The following SCRG1 variants were observed in gnomAD, a reference collection of about 807,000 sequenced individuals.
SCRG1 encodes scrapie-responsive protein 1.
SCRG1 carries 3 observed loss-of-function variants against 7.7 expected under a neutral mutation model. That is an observed-to-expected ratio of 0.39 (90% CI 0.18 to 1.01). The LOEUF is 1.01. Among genes scored for constraint, SCRG1 ranks in the 50% least tolerant of loss-of-function variants. SCRG1 has a pLI of 0.36. For synonymous variants in SCRG1, 46 were observed against 41.2 expected (o/e 1.12, Z -0.44); for missense variants, 110 against 117.2 (o/e 0.94, Z 0.28).
At chr4:173,493,322 C>T in the SCRG1 span, among the ~76,000 whole-genome samples, 1 of 152,088 alleles carries the variant, frequency 6.6e-6, no homozygotes, top group Non-Finnish European at 1.5e-5. Context: ...CCTGTTCTAC[C>T]ATGGTAAGAC....
the SCRG1 span, among the ~76,000 whole-genome samples, chr4:173,488,097 C>CTAAA: frequency 0.42 from 61,469 of 144,786 alleles, 13,907 homozygotes; most frequent in East Asian, 0.53. Flanking sequence ...GAGACTCTGT[C>CTAAA]TAAATAAATA....
chr4:173,482,654 C>A, the SCRG1 span, among the ~76,000 whole-genome samples: 4 of 151,622 alleles, frequency 2.6e-5, no homozygotes, highest in Admixed American at 2.0e-4. Context: ...CCTGTCTCTA[C>A]AAAAAATTGA....
At chr4:173,418,538 G>A in the SCRG1 span, among the ~76,000 whole-genome samples, 730 of 152,310 alleles carry the variant, frequency 4.8e-3, 3 homozygotes, top group Non-Finnish European at 8.3e-3. Context: ...GTTTGTTGCT[G>A]CACCAAAAGC....
chr4:173,485,591 A>T, the SCRG1 span, among the ~76,000 whole-genome samples: 2 of 151,890 alleles, frequency 1.3e-5, no homozygotes, highest in South Asian at 2.1e-4. Flanking sequence ...TTGTTATACC[A>T]TACTATCTAA....
chr4:173,499,867 C>G, the SCRG1 span, among the ~76,000 whole-genome samples: 1 of 152,214 alleles, frequency 6.6e-6, no homozygotes, highest in Non-Finnish European at 1.5e-5. The surrounding 1 kb of genome is among the most constrained non-coding windows in gnomAD (Gnocchi z 4.1). Flanking sequence ...TTTTGGCAGG[C>G]CAGGCCTTCA....
the SCRG1 span, among the ~76,000 whole-genome samples, chr4:173,430,450 A>G: frequency 2.6e-4 from 39 of 152,244 alleles, 1 homozygote; most frequent in East Asian, 7.2e-3. Flanking sequence ...CAGGAGTCCT[A>G]TAGGTAATGT....
At chr4:173,457,356 G>C in the SCRG1 span, among the ~76,000 whole-genome samples, 1 of 152,112 alleles carries the variant, frequency 6.6e-6, no homozygotes. Context: ...CAGAAGTAAG[G>C]AAAAAGAGGA....
chr4:173,445,815 G>A, the SCRG1 span, among the ~76,000 whole-genome samples: 3 of 151,418 alleles, frequency 2.0e-5, no homozygotes, highest in East Asian at 2.0e-4. Flanking sequence ...ACAGGTGCAC[G>A]CCACCATGCC....
At chr4:173,485,016 A>T in the SCRG1 span, among the ~76,000 whole-genome samples, 11 of 28,794 alleles carry the variant, frequency 3.8e-4, no homozygotes, top group East Asian at 3.5e-3. Context: ...TATAATATAT[A>T]ATATATAATA....
At chr4:173,415,083 T>C in the SCRG1 span, among the ~76,000 whole-genome samples, 3 of 152,248 alleles carry the variant, frequency 2.0e-5, no homozygotes, top group Non-Finnish European at 4.4e-5. Context: ...TAATATTGCA[T>C]GTTAATTTCT....
At chr4:173,391,092 G>A in intron 2 of SCRG1, 81 bp downstream of exon 2, 1 of 1,463,304 alleles carries the variant, frequency 6.8e-7, no homozygotes, top group Non-Finnish European at 9.4e-7. Context: ...ATTAATTTCA[G>A]CAAACCTATT....
the SCRG1 span, chr4:173,419,407 A>G: frequency 8.2e-7 from 1 of 1,214,010 alleles, no homozygotes. Flanking sequence ...GTACAGCAGC[A>G]TGAGCTTTCT....
the SCRG1 span, among the ~76,000 whole-genome samples, chr4:173,493,831 A>G: frequency 6.6e-6 from 1 of 152,194 alleles, no homozygotes; most frequent in South Asian, 2.1e-4. Context: ...GCACATGTGG[A>G]TGGCCACATT....
chr4:173,501,194 G>A, the SCRG1 span, among the ~76,000 whole-genome samples: 1 of 152,228 alleles, frequency 6.6e-6, no homozygotes, highest in Non-Finnish European at 1.5e-5. This position sits in a 1 kb window ranked among gnomAD's most constrained non-coding sequence, Gnocchi z 5.1. Context: ...CGGGGTGCGA[G>A]CCACGCGGCC....
chr4:173,476,280 G>C, the SCRG1 span, among the ~76,000 whole-genome samples: 3 of 148,936 alleles, frequency 2.0e-5, no homozygotes, highest in Non-Finnish European at 4.5e-5. Context: ...TGCTCTTGGG[G>C]AATGGGCAGA....
At chr4:173,483,130 A>G in the SCRG1 span, among the ~76,000 whole-genome samples, 1 of 74,088 alleles carries the variant, frequency 1.3e-5, no homozygotes, top group African/African-American at 5.2e-5. Context: ...TATAATGTAT[A>G]TTTTATATAT....
chr4:173,456,898 G>T, the SCRG1 span, among the ~76,000 whole-genome samples: 1 of 152,126 alleles, frequency 6.6e-6, no homozygotes, highest in Non-Finnish European at 1.5e-5. Flanking sequence ...GCAGGTATCA[G>T]GGTCCCTGAC....
chr4:173,490,129 G>A, the SCRG1 span, among the ~76,000 whole-genome samples: 2 of 152,142 alleles, frequency 1.3e-5, no homozygotes, highest in East Asian at 1.9e-4. Context: ...AATTGTCCAC[G>A]CCAAATTTTG....
At chr4:173,482,287 T>A in the SCRG1 span, among the ~76,000 whole-genome samples, 4 of 152,178 alleles carry the variant, frequency 2.6e-5, no homozygotes, top group African/African-American at 9.7e-5. Flanking sequence ...CATTTAGATA[T>A]ATCCATGGTT....
Sources: gnomAD v4.1 joint callset for allele counts (sites outside exome capture counted in the v4.1 genomes callset) on GRCh38, gnomAD v4.1.1 for gene constraint, Gnocchi (gnomAD v3.1) non-coding constraint, MANE v1.5 for transcripts, NCBI Gene and HGNC (gene_info 2026-07-23, HGNC 2026-07-21) for gene names.